The following UBE2G2 variants were observed in gnomAD, a reference collection of about 807,000 sequenced individuals.
UBE2G2 encodes the protein ubiquitin conjugating enzyme E2 G2.
UBE2G2 carries 10 observed loss-of-function variants against 23.0 expected under a neutral mutation model. The observed-to-expected ratio is 0.43, with a 90% CI of 0.27 to 0.74. The LOEUF is 0.74. Among genes scored for constraint, UBE2G2 ranks in the 30% least tolerant of loss-of-function variants. The pLI is 0.19. For missense variants in UBE2G2, 150 were observed against 218.3 expected (o/e 0.69, Z 1.97); for synonymous variants, 86 against 81.3 (o/e 1.06, Z -0.31).
Position 44,788,104 on chromosome 21 carries a change from TTAA to T in UBE2G2, c.44-12_44-10del. 6.3e-7 allele frequency: 1 copy of T among 1,597,944 alleles called. No individual in the cohort carries two copies. Among genetic ancestry groups the T allele is most frequent in the Non-Finnish European group, 8.5e-7 (1 of 1,174,132 alleles). ...AGGATTCAGTGTTAATTCTATAAAA[TTAA>T]TAAGTAAAACCATTACCAAACAGAA... On this transcript the variant is annotated splice_polypyrimidine_tract_variant and intron_variant, in intron 1 of 5. Transcript: ENST00000345496.
intron 3 of UBE2G2, among the ~76,000 whole-genome samples, chr21:44,786,688 A>G (rs2082998932): frequency 6.6e-6 from 1 of 152,190 alleles, no homozygotes; most frequent in Admixed American, 6.5e-5. Flanking sequence ...CAGAGCCCAC[A>G]CTTGTTTCAC....
In UBE2G2 at chr21:44,771,268, G is replaced by T; in HGVS notation, c.*109C>A. 1 of 945,710 alleles carries T rather than the reference G, an allele frequency of 1.1e-6. No individual in the cohort carries two copies. The highest frequency in any genetic ancestry group is 1.6e-6 in the Non-Finnish European group (1 of 629,068). 58.6% of individuals were successfully genotyped at this position (945,710 alleles called of 1,614,324 possible). A position where few individuals can be genotyped will look rare whatever the true frequency, so the allele number is the denominator to read the frequency against. ...AAAAAAAAAAGATGCCATGGTTCTT[G>T]CAAGTCTGCCTTGTTTGGTACCAGC... On this transcript the variant is annotated 3_prime_UTR_variant, in exon 6 of 6. Coordinates refer to ENST00000345496, the MANE Select transcript of UBE2G2 (RefSeq NM_003343.6). The surrounding 1 kb of genome is among the most constrained non-coding windows in gnomAD (Gnocchi z 4.6).
rs2082858599 is a variant in UBE2G2, at chr21:44,769,781, G to A, written c.*1596C>T. On this transcript the variant is annotated 3_prime_UTR_variant, in exon 6 of 6. Transcript: ENST00000345496. ...CAGAAACTGTCACCCATGACACTCT[G>A]TGTGGGTTCAGTCACACAGACCACG... The A allele has an allele frequency of 6.6e-6, 1 of 152,286 alleles. No homozygotes were observed. The highest frequency in any genetic ancestry group is 2.1e-4 in the South Asian group (1 of 4,834). The allele number at this position is 152,286 out of a possible 1,614,324, so 9.4% of individuals were successfully genotyped here. A position where few individuals can be genotyped will look rare whatever the true frequency, so the allele number is the denominator to read the frequency against.
At position 44,769,776 on chromosome 21, in the gene UBE2G2, ACT is replaced by A. The variant is rs1466101405; in HGVS notation, c.*1599_*1600del. On this transcript the variant is annotated 3_prime_UTR_variant, in exon 6 of 6. Transcript: ENST00000345496. ...TCAACCAGAAACTGTCACCCATGAC[ACT>A]CTGTGTGGGTTCAGTCACACAGACC... 5 of 152,188 alleles carry A rather than the reference ACT, an allele frequency of 3.3e-5. No homozygotes were observed. Among genetic ancestry groups the A allele is most frequent in the Admixed American group, 2.6e-4 (4 of 15,260 alleles). The allele number at this position is 152,188 out of a possible 1,614,324, so 9.4% of individuals were successfully genotyped here. A position where few individuals can be genotyped will look rare whatever the true frequency, so the allele number is the denominator to read the frequency against.
rs2082869089 is a variant in UBE2G2 at position 44,771,003 on chromosome 21, G to C, written c.*374C>G. 5.5e-6 allele frequency: 1 copy of C among 180,266 alleles called. No homozygotes were observed. Among genetic ancestry groups the C allele is most frequent in the Non-Finnish European group, 1.2e-5 (1 of 85,582 alleles). 11.2% of individuals were successfully genotyped at this position (180,266 alleles called of 1,614,324 possible). On this transcript the variant is annotated 3_prime_UTR_variant, in exon 6 of 6. Coordinates refer to ENST00000345496, the MANE Select transcript of UBE2G2 (RefSeq NM_003343.6). The surrounding 1 kb of genome is among the most constrained non-coding windows in gnomAD (Gnocchi z 4.6). ...CCATTTCTTCAGAAGGAGCGTTCTGGGTATTCCATCGTCCCCTGGAAGTCT... is the reference window on the plus strand; with the variant it reads ...CCATTTCTTCAGAAGGAGCGTTCTGCGTATTCCATCGTCCCCTGGAAGTCT...
chr21:44,795,488 T>C (rs556343835), intron 1 of UBE2G2, among the ~76,000 whole-genome samples: 14 of 151,914 alleles, frequency 9.2e-5, no homozygotes, highest in African/African-American at 3.4e-4. Context: ...AAAAATTAGC[T>C]AAGCGAGGTG....
chr21:44,792,519 C>G (rs891899837), intron 1 of UBE2G2, among the ~76,000 whole-genome samples: 1 of 152,120 alleles, frequency 6.6e-6, no homozygotes, highest in Non-Finnish European at 1.5e-5. Context: ...TCTCTCCTAC[C>G]GCCTTGAGAA....
At chr21:44,779,371 T>TGGGGGGGGGGGGG (rs375243003) in intron 3 of UBE2G2, among the ~76,000 whole-genome samples, 3 of 75,384 alleles carry the variant, frequency 4.0e-5, no homozygotes, top group Non-Finnish European at 7.7e-5. Context: ...GGAGCTGGGG[T>TGGGGGGGGGGGGG]GGGGGGGGGG....
At chr21:44,794,723 A>G (rs1327955071) in intron 1 of UBE2G2, among the ~76,000 whole-genome samples, 1 of 151,872 alleles carries the variant, frequency 6.6e-6, no homozygotes, top group African/African-American at 2.4e-5. Flanking sequence ...TTTAGTAGAG[A>G]GGGGGTTTCA....
chr21:44,796,517 A>G (rs1488581792), intron 1 of UBE2G2, among the ~76,000 whole-genome samples: 1 of 152,178 alleles, frequency 6.6e-6, no homozygotes, highest in African/African-American at 2.4e-5. Context: ...AGATACACAC[A>G]CAAAAAAAAC....
intron 1 of UBE2G2, among the ~76,000 whole-genome samples, chr21:44,794,529 CT>C (rs1471157208): frequency 7.0e-6 from 1 of 143,364 alleles, no homozygotes; most frequent in Non-Finnish European, 1.5e-5. Context: ...AAAAACCCTT[CT>C]TTTTTTGTTT....
chr21:44,780,961 T>C (rs782189655), intron 3 of UBE2G2, among the ~76,000 whole-genome samples: 3 of 152,238 alleles, frequency 2.0e-5, no homozygotes, highest in Non-Finnish European at 4.4e-5. Context: ...GTGGGTGCCC[T>C]GAGCTTCGCC....
At chr21:44,799,484 T>C (rs1555964399) in intron 1 of UBE2G2, among the ~76,000 whole-genome samples, 1 of 152,270 alleles carries the variant, frequency 6.6e-6, no homozygotes, top group Non-Finnish European at 1.5e-5. Context: ...TGCTTTTCTG[T>C]TATGGAGACA....
At chr21:44,800,520 T>C (rs2083127240) in intron 1 of UBE2G2, 1 of 152,208 alleles carries the variant, frequency 6.6e-6, no homozygotes, top group Admixed American at 6.5e-5. Flanking sequence ...AGGCTATGCA[T>C]ACATTAAATG....
chr21:44,791,193 T>C (rs2083041008), intron 1 of UBE2G2, among the ~76,000 whole-genome samples: 5 of 152,148 alleles, frequency 3.3e-5, no homozygotes, highest in African/African-American at 1.2e-4. Context: ...CTTCGCAGCA[T>C]GACGGTGCAA....
intron 1 of UBE2G2, among the ~76,000 whole-genome samples, chr21:44,791,403 G>A (rs2083043437): frequency 6.6e-6 from 1 of 152,178 alleles, no homozygotes; most frequent in South Asian, 2.1e-4. Context: ...ACTCTGTGCA[G>A]CCTTGGTACT....
intron 1 of UBE2G2, 51 bp from the exon 2 acceptor site, chr21:44,788,146 GTCATTT>G: frequency 6.6e-7 from 1 of 1,515,144 alleles, no homozygotes; most frequent in Non-Finnish European, 8.9e-7. Context: ...ATGTTACATT[GTCATTT>G]TAACAAAACA....
At position 44,770,932 on chromosome 21, in the gene UBE2G2, C is replaced by T. The variant is rs961096638; in HGVS notation, c.*445G>A. On this transcript the variant is annotated 3_prime_UTR_variant, in exon 6 of 6. Transcript: ENST00000345496. Reference sequence around the variant, plus strand: ...GGGCCCACAGGGAACCAGGAAGGACCCAGAAAGGGTGCCGGGCCCTTCCCC... The same window carrying T: ...GGGCCCACAGGGAACCAGGAAGGACTCAGAAAGGGTGCCGGGCCCTTCCCC... 1 of 155,996 alleles carries T rather than the reference C, an allele frequency of 6.4e-6. No individual in the cohort carries two copies. The highest frequency in any genetic ancestry group is 6.4e-5 in the Admixed American group (1 of 15,744). The allele number at this position is 155,996 out of a possible 1,614,324, so 9.7% of individuals were successfully genotyped here.
chr21:44,771,606 A>T lies in UBE2G2; in HGVS notation c.386-117T>A. 9.1e-7 allele frequency: 1 copy of T among 1,094,770 alleles called. No individual in the cohort carries two copies. Among genetic ancestry groups the T allele is most frequent in the Non-Finnish European group, 1.3e-6 (1 of 743,222 alleles). The allele number at this position is 1,094,770 out of a possible 1,614,324, so 67.8% of individuals were successfully genotyped here. ...GGCTTTCAAGAGCTGTGTCCCAGAA[A>T]CAAAGAACCTGAGAACTGCATGGGG... On this transcript the variant is annotated intron_variant, in intron 5 of 5. Transcript: ENST00000345496. This position sits in a 1 kb window ranked among gnomAD's most constrained non-coding sequence, Gnocchi z 4.6.
Sources: allele counts gnomAD v4.1 joint callset (sites outside exome capture counted in the v4.1 genomes callset), GRCh38; gene constraint gnomAD v4.1.1; non-coding constraint Gnocchi (gnomAD v3.1); transcripts MANE v1.5; gene names NCBI Gene and HGNC (gene_info 2026-07-23, HGNC 2026-07-21).